The following GLP2R variants were observed in gnomAD, a reference collection of about 807,000 sequenced individuals.
GLP2R encodes glucagon like peptide 2 receptor.
A neutral mutation model predicts 68.2 loss-of-function variants in GLP2R; 59 were observed. The ratio of observed to expected loss-of-function variants is 0.87; its 90% CI spans 0.70 to 1.07. The LOEUF (loss-of-function observed/expected upper bound fraction) is 1.07, where lower values mean the gene tolerates loss of function less well. Among genes scored for constraint, GLP2R ranks in the 50% least tolerant of loss-of-function variants. The probability of loss-of-function intolerance (pLI) is 0.00; values close to 1 mark genes in which losing one functional copy is unlikely to be tolerated. For synonymous variants in GLP2R, 270 were observed against 265.4 expected (o/e 1.02, Z -0.17); for missense variants, 548 against 677.4 (o/e 0.81, Z 2.12).
intron 10 of GLP2R, among the ~76,000 whole-genome samples, chr17:9,879,734 C>G (rs1260487543): frequency 1.3e-5 from 2 of 152,154 alleles, no homozygotes; most frequent in Admixed American, 1.3e-4. Flanking sequence ...AGTGAACCTC[C>G]ACGCCGCACT....
At chr17:9,850,868 A>G (rs563783393) in intron 4 of GLP2R, among the ~76,000 whole-genome samples, 1 of 151,568 alleles carries the variant, frequency 6.6e-6, no homozygotes, top group South Asian at 2.1e-4. Flanking sequence ...TAATTTTTGT[A>G]TTTTTAGTAG....
At chr17:9,842,733 C>T (rs1048730345) in intron 4 of GLP2R, 117 bp downstream of exon 4, 4 of 1,113,230 alleles carry the variant, frequency 3.6e-6, no homozygotes, top group Non-Finnish European at 5.1e-6. Context: ...AGCGCCTCTC[C>T]CCGGGGAAGC....
intron 12 of GLP2R, among the ~76,000 whole-genome samples, chr17:9,888,316 A>C (rs2067261624): frequency 6.6e-6 from 1 of 152,204 alleles, no homozygotes; most frequent in South Asian, 2.1e-4. Context: ...TCTGTGAGTT[A>C]GCTGGGTCAC....
intron 6 of GLP2R, among the ~76,000 whole-genome samples, chr17:9,859,126 T>A (rs1473692060): frequency 3.9e-5 from 6 of 152,220 alleles, no homozygotes. Context: ...ATATAAGGTT[T>A]GGTATTAACC....
chr17:9,837,264 C>T (rs910734570), intron 3 of GLP2R, among the ~76,000 whole-genome samples: 12 of 152,170 alleles, frequency 7.9e-5, no homozygotes, highest in South Asian at 2.1e-4. Flanking sequence ...CTGTCCCAGC[C>T]GCCCACTACC....
At position 9,850,466 on chromosome 17, in the gene GLP2R, A is replaced by G. The variant is rs118103776; in HGVS notation, c.505-4029A>G. Among the ~76,000 whole-genome samples, 3 of 152,306 alleles carry G rather than the reference A, an allele frequency of 2.0e-5. No individual in the cohort carries two copies. In the East Asian group the frequency reaches 5.8e-4, roughly 29 times the overall value. ...CCACTTGTTCGTTGAAATGCAGGCC[A>G]TAAGTGCCATGAAATTAATGTGCCT... On this transcript the variant is annotated intron_variant, in intron 4 of 12. Transcript: ENST00000262441.
At chr17:9,837,602 G>C (rs956469581) in intron 3 of GLP2R, among the ~76,000 whole-genome samples, 2 of 152,196 alleles carry the variant, frequency 1.3e-5, no homozygotes, top group Admixed American at 6.5e-5. Flanking sequence ...GACTTGGATG[G>C]AGAATTTAAC....
At position 9,828,549 on chromosome 17, in the gene GLP2R, C is replaced by T. The variant is rs183803610; in HGVS notation, c.189+2297C>T. On this transcript the variant is annotated intron_variant, in intron 1 of 12. Coordinates refer to ENST00000262441, the MANE Select transcript of GLP2R (RefSeq NM_004246.3). Reference sequence around the variant, plus strand: ...CTCACACATCATCTTACTTAATCCTCAACACAAGCCTCTGAGAAGAGTGTT... The same window carrying T: ...CTCACACATCATCTTACTTAATCCTTAACACAAGCCTCTGAGAAGAGTGTT... 1.1e-4 allele frequency among the ~76,000 whole-genome samples: 17 copies of T among 152,322 alleles called. No homozygotes were observed. In the Middle Eastern group the frequency reaches 0.01, roughly 91 times the overall value.
intron 4 of GLP2R, among the ~76,000 whole-genome samples, chr17:9,848,371 G>A (rs2066860609): frequency 6.6e-6 from 1 of 152,150 alleles, no homozygotes; most frequent in South Asian, 2.1e-4. Context: ...GCATACAGTA[G>A]GCACTTAATA....
At chr17:9,854,182 G>A (rs932852967) in intron 4 of GLP2R, among the ~76,000 whole-genome samples, 1 of 152,200 alleles carries the variant, frequency 6.6e-6, no homozygotes, top group Non-Finnish European at 1.5e-5. Flanking sequence ...CATTCCCAAG[G>A]CATCCTCTTG....
chr17:9,874,764 T>A (rs1356978854), intron 10 of GLP2R, among the ~76,000 whole-genome samples: 1 of 152,160 alleles, frequency 6.6e-6, no homozygotes, highest in Non-Finnish European at 1.5e-5. Context: ...CCTCCCAAAA[T>A]TTCCTAATCC....
intron 9 of GLP2R, chr17:9,865,963 C>T (rs531764899): frequency 3.0e-5 from 14 of 469,310 alleles, no homozygotes; most frequent in South Asian, 2.2e-4. Flanking sequence ...ATCTTCATGT[C>T]TATCAGTTTA....
intron 4 of GLP2R, among the ~76,000 whole-genome samples, chr17:9,845,056 G>C (rs776663620): frequency 1.6e-5 from 2 of 124,114 alleles, no homozygotes; most frequent in Non-Finnish European, 3.6e-5. Context: ...CCACTCCCAA[G>C]TTGTGGCTTT....
chr17:9,845,735 ATGTGTGTGTGTGCGTGTGTG>A (rs2066830737), intron 4 of GLP2R, among the ~76,000 whole-genome samples: 1 of 125,894 alleles, frequency 7.9e-6, no homozygotes, highest in Non-Finnish European at 1.7e-5. Flanking sequence ...GGTTGGATTT[ATGTGTGTGTGTGCGTGTGTG>A]TGTGTGTGTG....
At chr17:9,876,577 A>T (rs1432615354) in intron 10 of GLP2R, among the ~76,000 whole-genome samples, 2 of 152,186 alleles carry the variant, frequency 1.3e-5, no homozygotes, top group Admixed American at 1.3e-4. Context: ...TCCACCTCTC[A>T]CATGAGGGTC....
intron 10 of GLP2R, among the ~76,000 whole-genome samples, chr17:9,876,206 C>T (rs1002208741): frequency 6.6e-6 from 1 of 152,198 alleles, no homozygotes; most frequent in Non-Finnish European, 1.5e-5. Context: ...TGCTAAACCC[C>T]AGTTCTTTCT....
chr17:9,834,594 A>G (rs1207908722), intron 2 of GLP2R: 1 of 152,706 alleles, frequency 6.5e-6, no homozygotes, highest in Non-Finnish European at 1.5e-5. Flanking sequence ...GAAAAAAAGA[A>G]GAAAGTACCT....
intron 9 of GLP2R, among the ~76,000 whole-genome samples, chr17:9,870,507 A>G (rs2067082085): frequency 6.6e-6 from 1 of 152,234 alleles, no homozygotes; most frequent in Non-Finnish European, 1.5e-5. Flanking sequence ...CCAGACTTTC[A>G]GTTCAGATGA....
rs143610532 is a variant in GLP2R at position 9,852,112 on chromosome 17, G to A, written c.505-2383G>A. Among the ~76,000 whole-genome samples, 679 of 146,328 alleles carry A rather than the reference G, an allele frequency of 4.6e-3. 20 individuals are homozygous for A. In the East Asian group the frequency reaches 0.077, roughly 17 times the overall value. The stretch of plus-strand genomic sequence containing the variant: ...ATACATGTGCAGAACGGGCAGGTTT[G>A]TTACATAAGTATACATGTGCCATGG... On this transcript the variant is annotated intron_variant, in intron 4 of 12. Transcript: ENST00000262441.
Sources: allele counts gnomAD v4.1 joint callset (sites outside exome capture counted in the v4.1 genomes callset), GRCh38; gene constraint gnomAD v4.1.1; transcripts MANE v1.5; gene names NCBI Gene and HGNC (gene_info 2026-07-23, HGNC 2026-07-21).